EYS: variants seen among roughly 807,000 people sequenced by gnomAD.
The protein encoded by EYS is EGF-like photoreceptor maintenance factor.
A neutral mutation model predicts 282.1 loss-of-function variants in EYS; 250 were observed. The observed-to-expected ratio is 0.89, with a 90% CI of 0.80 to 0.98. EYS has a LOEUF of 0.98. EYS is among the 50% of genes least tolerant of loss of function. The pLI, the probability that EYS is intolerant of heterozygous loss-of-function variation, is 0.00. For synonymous variants in EYS, 1,355 were observed against 1,282.9 expected (o/e 1.06, Z -1.20); for missense variants, 4,016 against 3,709.0 (o/e 1.08, Z -2.15).
chr6:63,789,022 T>TA, intron 38 of EYS, 36 bp downstream of exon 38: 1 of 1,544,644 alleles, frequency 6.5e-7, no homozygotes, highest in Non-Finnish European at 8.8e-7. Flanking sequence ...ACTAGTGCTC[T>TA]CAGTTTGTGG....
At chr6:64,079,680 G>A (rs182733209) in intron 32 of EYS, among the ~76,000 whole-genome samples, 33 of 151,994 alleles carry the variant, frequency 2.2e-4, no homozygotes, top group African/African-American at 6.5e-4. Context: ...CTATTAACTC[G>A]TCATTTACAT....
At chr6:63,854,998 T>A (rs1211872582) in intron 36 of EYS, among the ~76,000 whole-genome samples, 3 of 152,066 alleles carry the variant, frequency 2.0e-5, no homozygotes, top group African/African-American at 7.2e-5. Flanking sequence ...CACAATGGAG[T>A]CTGTATACTC....
At chr6:65,529,531 A>G (rs1767685060) in intron 2 of EYS, among the ~76,000 whole-genome samples, 1 of 152,022 alleles carries the variant, frequency 6.6e-6, no homozygotes, top group African/African-American at 2.4e-5. Flanking sequence ...CCTGTCTATT[A>G]CTCCCCCTGA....
intron 13 of EYS, among the ~76,000 whole-genome samples, chr6:65,004,294 T>C (rs1771565954): frequency 1.4e-5 from 2 of 147,750 alleles, no homozygotes; most frequent in Admixed American, 6.8e-5. Flanking sequence ...AATGAATTTG[T>C]CAGAAATTGG....
intron 12 of EYS, among the ~76,000 whole-genome samples, chr6:65,098,530 A>C (rs991687257): frequency 1.6e-4 from 24 of 150,824 alleles, no homozygotes; most frequent in African/African-American, 2.4e-4. Flanking sequence ...GATAAATGAC[A>C]ATATGTACCA....
intron 9 of EYS, among the ~76,000 whole-genome samples, chr6:65,350,841 A>G (rs1490764083): frequency 2.0e-5 from 3 of 151,698 alleles, no homozygotes; most frequent in Non-Finnish European, 4.4e-5. Context: ...TAGAGCAATC[A>G]TATTGGCAAG....
intron 35 of EYS, among the ~76,000 whole-genome samples, chr6:63,964,755 C>T (rs575115506): frequency 7.2e-4 from 109 of 152,328 alleles, no homozygotes; most frequent in African/African-American, 2.5e-3. Flanking sequence ...CTCATACTTT[C>T]CTCTTGTTAG....
chr6:65,667,339 G>T (rs1375910064), intron 1 of EYS, among the ~76,000 whole-genome samples: 1 of 151,750 alleles, frequency 6.6e-6, no homozygotes, highest in Non-Finnish European at 1.5e-5. Context: ...CTTGCCTAAT[G>T]CTCTCACTTA....
intron 11 of EYS, among the ~76,000 whole-genome samples, chr6:65,312,804 C>T (rs1769196047): frequency 6.6e-6 from 1 of 152,114 alleles, no homozygotes; most frequent in Admixed American, 6.6e-5. Flanking sequence ...TTTCTGTTTT[C>T]CTTTCCACTG....
At chr6:65,342,100 T>C (rs1354183294) in intron 10 of EYS, among the ~76,000 whole-genome samples, 1 of 151,174 alleles carries the variant, frequency 6.6e-6, no homozygotes, top group Non-Finnish European at 1.5e-5. Flanking sequence ...AAGTTCTGAT[T>C]TTTCAAAATA....
chr6:64,651,141 T>TA (rs1006126646), intron 22 of EYS, among the ~76,000 whole-genome samples: 2 of 151,620 alleles, frequency 1.3e-5, no homozygotes, highest in Non-Finnish European at 2.9e-5. Context: ...CTTTCTAACC[T>TA]AAAAAAAAGG....
chr6:63,821,974 C>T (rs1284991741), intron 36 of EYS: 1 of 152,202 alleles, frequency 6.6e-6, no homozygotes, highest in East Asian at 1.9e-4. Flanking sequence ...AATCTCCTGT[C>T]CTTTCCTGTC....
intron 13 of EYS, among the ~76,000 whole-genome samples, chr6:65,044,393 A>T (rs1036396927): frequency 6.6e-5 from 10 of 151,634 alleles, no homozygotes; most frequent in South Asian, 2.1e-4. Flanking sequence ...ATTTCATCCC[A>T]TTTGTCTAAT....
At chr6:64,373,870 G>A (rs1040224680) in intron 29 of EYS, among the ~76,000 whole-genome samples, 1 of 152,082 alleles carries the variant, frequency 6.6e-6, no homozygotes, top group African/African-American at 2.4e-5. Context: ...CATGTTTCCT[G>A]GGACAATAGA....
intron 12 of EYS, among the ~76,000 whole-genome samples, chr6:65,176,526 T>A (rs1765229469): frequency 6.6e-6 from 1 of 151,674 alleles, no homozygotes; most frequent in South Asian, 2.1e-4. Context: ...TAGTAAACTA[T>A]ATTGAAATAA....
chr6:65,086,042 T>C (rs1000082570), intron 12 of EYS, among the ~76,000 whole-genome samples: 1 of 148,038 alleles, frequency 6.8e-6, no homozygotes, highest in Non-Finnish European at 1.5e-5. Context: ...TTTTTTTTTT[T>C]AAATCCTTCT....
chr6:63,953,202 A>G (rs968043960), intron 35 of EYS, among the ~76,000 whole-genome samples: 2 of 152,114 alleles, frequency 1.3e-5, no homozygotes, highest in Admixed American at 6.5e-5. Flanking sequence ...TGACCCTGAC[A>G]CCCATTAGTC....
intron 26 of EYS, among the ~76,000 whole-genome samples, chr6:64,444,871 G>A (rs1435478106): frequency 3.3e-5 from 5 of 152,010 alleles, no homozygotes; most frequent in African/African-American, 7.3e-5. Context: ...TTTCTCTCTC[G>A]TTTCCTCTCT....
intron 12 of EYS, among the ~76,000 whole-genome samples, chr6:65,281,303 G>A (rs1350144169): frequency 6.6e-6 from 1 of 151,826 alleles, no homozygotes; most frequent in Non-Finnish European, 1.5e-5. Context: ...CAAAATTAAA[G>A]ATAAATGTTA....
Sources: allele counts gnomAD v4.1 joint callset (sites outside exome capture counted in the v4.1 genomes callset), GRCh38; gene constraint gnomAD v4.1.1; transcripts MANE v1.5; gene names NCBI Gene and HGNC (gene_info 2026-07-23, HGNC 2026-07-21).